Variants in STK32B observed in about 807,000 individuals in gnomAD.
STK32B encodes serine/threonine kinase 32B.
A neutral mutation model predicts 52.6 loss-of-function variants in STK32B; 43 were observed. That is an observed-to-expected ratio of 0.82 (90% CI 0.64 to 1.05). STK32B has a LOEUF of 1.05. Among genes scored for constraint, STK32B ranks in the 50% least tolerant of loss-of-function variants. The pLI is 0.00. For synonymous variants in STK32B, 238 were observed against 204.3 expected (o/e 1.17, Z -1.41); for missense variants, 621 against 534.6 (o/e 1.16, Z -1.59).
At chr4:5,197,939 G>A (rs934134753) in intron 3 of STK32B, among the ~76,000 whole-genome samples, 2 of 151,518 alleles carry the variant, frequency 1.3e-5, no homozygotes, top group South Asian at 2.1e-4. Flanking sequence ...CATGTTTTCT[G>A]TTGTTTTTTT....
At chr4:5,071,067 A>G (rs531775837) in intron 1 of STK32B, among the ~76,000 whole-genome samples, 38 of 152,292 alleles carry the variant, frequency 2.5e-4, no homozygotes, top group African/African-American at 7.9e-4. Context: ...TGAGTGCAGA[A>G]TGCTGTATGC....
chr4:5,477,785 G>A (rs1333318175), intron 11 of STK32B, among the ~76,000 whole-genome samples: 2 of 152,106 alleles, frequency 1.3e-5, no homozygotes, highest in Admixed American at 6.5e-5. Flanking sequence ...AACTAGTCAC[G>A]TGGCCTCACT....
At chr4:5,316,226 T>TATG in intron 3 of STK32B, among the ~76,000 whole-genome samples, 3 of 68,176 alleles carry the variant, frequency 4.4e-5, no homozygotes, top group African/African-American at 4.4e-4. Context: ...TAATATATTA[T>TATG]ATATACAATA....
chr4:5,031,109 C>G, the STK32B span, among the ~76,000 whole-genome samples: 1 of 152,108 alleles, frequency 6.6e-6, no homozygotes, highest in Non-Finnish European at 1.5e-5. Flanking sequence ...TGGTGGGTCT[C>G]AGACTTTTTC....
intron 2 of STK32B, among the ~76,000 whole-genome samples, chr4:5,149,637 G>T (rs555483561): frequency 2.0e-5 from 3 of 151,798 alleles, no homozygotes; most frequent in African/African-American, 7.2e-5. Flanking sequence ...CACCCTATCT[G>T]TCCTTATAGT....
At chr4:5,361,080 G>A (rs189289660) in intron 4 of STK32B, among the ~76,000 whole-genome samples, 34 of 152,236 alleles carry the variant, frequency 2.2e-4, no homozygotes, top group Admixed American at 1.9e-3. Flanking sequence ...TACAGTCTTC[G>A]TCCTTTTGTG....
At chr4:5,053,948 G>A (rs991984101) in intron 1 of STK32B, among the ~76,000 whole-genome samples, 3 of 146,994 alleles carry the variant, frequency 2.0e-5, no homozygotes, top group South Asian at 2.2e-4. Context: ...CATTGCATTC[G>A]AGCCTGGGCA....
chr4:5,287,796 C>A (rs974225689), intron 3 of STK32B, among the ~76,000 whole-genome samples: 4 of 152,106 alleles, frequency 2.6e-5, no homozygotes, highest in African/African-American at 9.7e-5. Context: ...TAAAATTCAT[C>A]ATTTTAAAAT....
In STK32B at chr4:5,396,993, C is replaced by T. The variant is rs759820779; in HGVS notation, c.435-1214C>T. Among the ~76,000 whole-genome samples the T allele has an allele frequency of 1.2e-4, 18 of 152,278 alleles. No homozygotes were observed. The highest frequency in any genetic ancestry group is 8.5e-4 in the Admixed American group (13 of 15,294). On this transcript the variant is annotated intron_variant, in intron 4 of 11. Coordinates refer to ENST00000282908, the MANE Select transcript of STK32B (RefSeq NM_018401.3). This position sits in a 1 kb window ranked among gnomAD's most constrained non-coding sequence, Gnocchi z 4.7. Reference sequence around the variant, plus strand: ...AGGGGCCCACGTACTCAATGCTCCTCGGTACTCATGGGTTTGAAAAGTCAC... The same window carrying T: ...AGGGGCCCACGTACTCAATGCTCCTTGGTACTCATGGGTTTGAAAAGTCAC...
chr4:5,244,625 A>G (rs1725307669), intron 3 of STK32B, among the ~76,000 whole-genome samples: 1 of 152,084 alleles, frequency 6.6e-6, no homozygotes, highest in South Asian at 2.1e-4. Flanking sequence ...CTAGCTTTTG[A>G]ATGTGTTTGC....
intron 11 of STK32B, among the ~76,000 whole-genome samples, chr4:5,490,598 A>C (rs1366760476): frequency 6.6e-6 from 1 of 151,872 alleles, no homozygotes; most frequent in Non-Finnish European, 1.5e-5. Flanking sequence ...ATTATACTTT[A>C]AGTTTTAGGG....
intron 4 of STK32B, among the ~76,000 whole-genome samples, chr4:5,346,349 C>T (rs1045177214): frequency 7.2e-5 from 11 of 152,186 alleles, no homozygotes; most frequent in African/African-American, 2.2e-4. Context: ...TTTTCTCAAA[C>T]AGTGGCTTTA....
intron 3 of STK32B, among the ~76,000 whole-genome samples, chr4:5,263,864 G>A (rs1273769618): frequency 6.6e-6 from 1 of 152,092 alleles, no homozygotes; most frequent in Non-Finnish European, 1.5e-5. Context: ...GGAAACCACT[G>A]TGCTTATTTC....
intron 3 of STK32B, among the ~76,000 whole-genome samples, chr4:5,300,141 T>C (rs1277452050): frequency 1.3e-5 from 2 of 152,180 alleles, no homozygotes; most frequent in Non-Finnish European, 2.9e-5. Flanking sequence ...TGCAAATCAA[T>C]AAATGTGATT....
chr4:5,424,222 C>T (rs1241511731), intron 6 of STK32B, among the ~76,000 whole-genome samples: 3 of 152,124 alleles, frequency 2.0e-5, no homozygotes, highest in Non-Finnish European at 4.4e-5. Flanking sequence ...TGAAGGGGTG[C>T]TGAGGGTGGC....
intron 5 of STK32B, among the ~76,000 whole-genome samples, chr4:5,405,958 A>C (rs551220452): frequency 6.6e-6 from 1 of 152,300 alleles, no homozygotes; most frequent in Admixed American, 6.5e-5. Context: ...GTCTTAACTC[A>C]TTTGAGCATT....
intron 3 of STK32B, among the ~76,000 whole-genome samples, chr4:5,310,210 T>A (rs1046615513): frequency 1.3e-5 from 2 of 152,022 alleles, no homozygotes; most frequent in African/African-American, 4.8e-5. Context: ...CTAAAAACCT[T>A]CTGTACATCA....
At chr4:5,154,246 G>A (rs117148038) in intron 2 of STK32B, among the ~76,000 whole-genome samples, 8,336 of 130,866 alleles carry the variant, frequency 0.064, 295 homozygotes, top group South Asian at 0.15. Flanking sequence ...ACAGAGTTTC[G>A]CTCTTGTTGC....
At chr4:5,212,754 G>T (rs1421040503) in intron 3 of STK32B, among the ~76,000 whole-genome samples, 1 of 152,322 alleles carries the variant, frequency 6.6e-6, no homozygotes, top group Non-Finnish European at 1.5e-5. Context: ...TTGGACATAA[G>T]TGTCATATTT....
Sources: gnomAD v4.1 joint callset for allele counts (sites outside exome capture counted in the v4.1 genomes callset) on GRCh38, gnomAD v4.1.1 for gene constraint, Gnocchi (gnomAD v3.1) non-coding constraint, MANE v1.5 for transcripts, NCBI Gene and HGNC (gene_info 2026-07-23, HGNC 2026-07-21) for gene names.